Variants in MKX observed in about 807,000 individuals in gnomAD.
MKX encodes the protein mohawk homeobox.
In MKX, 13 loss-of-function variants were observed where a neutral mutation model predicts 36.0. The observed-to-expected ratio is 0.36, with a 90% CI of 0.24 to 0.57. MKX has a LOEUF of 0.57. Ranked by LOEUF, MKX falls within the 20% of genes least tolerant of loss-of-function variation. The pLI is 0.79. For synonymous variants in MKX, 176 were observed against 178.3 expected (o/e 0.99, Z 0.10); for missense variants, 458 against 456.4 (o/e 1.00, Z -0.03).
chr10:27,711,495 C>CT lies in MKX; in HGVS notation c.838+22960dup, dbSNP rs1363496557. Among the ~76,000 whole-genome samples, 100 of 32,888 alleles carry CT rather than the reference C, an allele frequency of 3.0e-3. 1 individual carries two copies. The highest frequency in any genetic ancestry group is 9.6e-3 in the African/African-American group (92 of 9,576). The allele number at this position is 32,888 out of a possible 152,430, so 21.6% of individuals were successfully genotyped here. A position where few individuals can be genotyped will look rare whatever the true frequency, so the allele number is the denominator to read the frequency against. On this transcript the variant is annotated intron_variant, in intron 5 of 6. Transcript: ENST00000419761. ...TCTTTCTTTCTTTCTCTCTCTCTCT[C>CT]TTCTTTCCTTCCTTCCTTCCTTCCT... is the stretch of plus-strand genomic sequence containing the variant.
At chr10:27,710,512 T>C (rs1836832419) in intron 5 of MKX, among the ~76,000 whole-genome samples, 1 of 152,158 alleles carries the variant, frequency 6.6e-6, no homozygotes, top group African/African-American at 2.4e-5. Context: ...CAGAAGGGAC[T>C]CCTCCTCTGG....
chr10:27,691,585 A>G (rs1836454832), intron 5 of MKX, among the ~76,000 whole-genome samples: 1 of 152,278 alleles, frequency 6.6e-6, no homozygotes, highest in African/African-American at 2.4e-5. Flanking sequence ...TTCAGGAGGT[A>G]CATATGCAGG....
chr10:27,685,719 G>T (rs1564344985), intron 5 of MKX, among the ~76,000 whole-genome samples: 1 of 152,086 alleles, frequency 6.6e-6, no homozygotes, highest in Non-Finnish European at 1.5e-5. Context: ...CAAAGTGCTG[G>T]GATTACAGGC....
intron 5 of MKX, among the ~76,000 whole-genome samples, chr10:27,716,561 A>G (rs1836968730): frequency 6.6e-6 from 1 of 152,220 alleles, no homozygotes; most frequent in Non-Finnish European, 1.5e-5. Flanking sequence ...ATGGATAAAG[A>G]GAACACGTGT....
At chr10:27,727,732 T>C (rs1033755581) in intron 5 of MKX, among the ~76,000 whole-genome samples, 1 of 152,250 alleles carries the variant, frequency 6.6e-6, no homozygotes, top group African/African-American at 2.4e-5. Flanking sequence ...GACAAGGCTC[T>C]TTATTCAAAG....
chr10:27,678,423 G>T (rs533069886), intron 5 of MKX, among the ~76,000 whole-genome samples: 34 of 152,228 alleles, frequency 2.2e-4, no homozygotes, highest in Non-Finnish European at 4.8e-4. Context: ...AATAATTTCC[G>T]TGAGGCTTAA....
chr10:27,701,850 C>T (rs1564352490), intron 5 of MKX, among the ~76,000 whole-genome samples: 1 of 144,742 alleles, frequency 6.9e-6, no homozygotes. Context: ...TATATATACA[C>T]AAAGAAGGAA....
chr10:27,725,930 A>C (rs566648103), intron 5 of MKX, among the ~76,000 whole-genome samples: 5 of 152,082 alleles, frequency 3.3e-5, no homozygotes, highest in Non-Finnish European at 7.4e-5. Context: ...GCCAGCTTTG[A>C]GTTTGGCTTG....
intron 5 of MKX, among the ~76,000 whole-genome samples, chr10:27,699,032 A>T (rs1288799023): frequency 1.3e-5 from 2 of 152,254 alleles, no homozygotes; most frequent in African/African-American, 2.4e-5. Flanking sequence ...AAAAATATTT[A>T]TTAGTCACAC....
Position 27,703,519 on chromosome 10 carries a change from G to GAA in MKX, c.839-27967_839-27966dup, listed in dbSNP as rs9335643. 4.3e-3 allele frequency among the ~76,000 whole-genome samples: 637 copies of GAA among 148,982 alleles called. 5 individuals carry two copies. The highest frequency in any genetic ancestry group is 0.014 in the African/African-American group (567 of 40,538). ...AATAAGCTAGAGAAAGACATCTATG[G>GAA]AAAAAAAAAATAAAAGAGGTGGTAA... is the stretch of plus-strand genomic sequence containing the variant. On this transcript the variant is annotated intron_variant, in intron 5 of 6. Coordinates refer to ENST00000419761, the MANE Select transcript of MKX (RefSeq NM_173576.3).
At chr10:27,675,466 A>G (rs376004874) in intron 6 of MKX, 51 bp from the exon 7 acceptor site, 286 of 1,614,102 alleles carry the variant, frequency 1.8e-4, no homozygotes, top group Admixed American at 3.2e-4. Context: ...TGCAGTTTGC[A>G]TTGAAAATGC....
intron 5 of MKX, among the ~76,000 whole-genome samples, chr10:27,724,986 CAT>C (rs764101593): frequency 6.6e-6 from 1 of 152,124 alleles, no homozygotes; most frequent in Non-Finnish European, 1.5e-5. Context: ...TGCACACACA[CAT>C]ACTCCAAGTT....
At chr10:27,687,295 C>T (rs1280966695) in intron 5 of MKX, among the ~76,000 whole-genome samples, 88 of 152,320 alleles carry the variant, frequency 5.8e-4, no homozygotes, top group Non-Finnish European at 1.2e-4. Context: ...TGAGCCATTG[C>T]GCCCAGCCCA....
At chr10:27,682,173 A>C (rs1836265530) in intron 5 of MKX, among the ~76,000 whole-genome samples, 1 of 152,190 alleles carries the variant, frequency 6.6e-6, no homozygotes. Context: ...AAAAATAAAA[A>C]ATGAAAAATT....
At chr10:27,687,370 C>T (rs937016043) in intron 5 of MKX, among the ~76,000 whole-genome samples, 2 of 152,298 alleles carry the variant, frequency 1.3e-5, no homozygotes, top group South Asian at 4.1e-4. Flanking sequence ...TTTCATATCT[C>T]GAAGCTCTCA....
chr10:27,739,147 G>A (rs1564367957), intron 3 of MKX, among the ~76,000 whole-genome samples: 1 of 151,974 alleles, frequency 6.6e-6, no homozygotes, highest in Non-Finnish European at 1.5e-5. Flanking sequence ...TCCATATCCT[G>A]CAATAATACA....
intron 5 of MKX, among the ~76,000 whole-genome samples, chr10:27,720,545 A>G (rs541914712): frequency 6.6e-6 from 1 of 152,294 alleles, no homozygotes; most frequent in African/African-American, 2.4e-5. Context: ...AATCTTAAAA[A>G]CTATAGATAC....
intron 2 of MKX, among the ~76,000 whole-genome samples, 186 bp downstream of exon 2, chr10:27,743,042 A>T (rs780654533): frequency 5.6e-4 from 86 of 152,218 alleles, no homozygotes; most frequent in Non-Finnish European, 6.9e-4. Flanking sequence ...TTGATCCCTC[A>T]TGTTTTAAGA....
intron 3 of MKX, among the ~76,000 whole-genome samples, chr10:27,736,452 T>G (rs1464573057): frequency 8.5e-5 from 13 of 152,126 alleles, no homozygotes. Context: ...TTATCATCAG[T>G]GCATAGATTT....
Sources: allele counts gnomAD v4.1 joint callset (sites outside exome capture counted in the v4.1 genomes callset), GRCh38; gene constraint gnomAD v4.1.1; transcripts MANE v1.5; gene names NCBI Gene and HGNC (gene_info 2026-07-23, HGNC 2026-07-21).